Variants in CDH23 observed in about 807,000 individuals in gnomAD.
The protein encoded by CDH23 is cadherin related 23.
In CDH23, 189 loss-of-function variants were observed where a neutral mutation model predicts 317.1. The observed-to-expected ratio is 0.60, with a 90% CI of 0.53 to 0.67. The LOEUF (loss-of-function observed/expected upper bound fraction) is 0.67, where lower values mean the gene tolerates loss of function less well. CDH23 is among the 30% of genes least tolerant of loss of function. The pLI, the probability that CDH23 is intolerant of heterozygous loss-of-function variation, is 0.00. For missense variants in CDH23, 4,401 were observed against 4,592.4 expected (o/e 0.96, Z 1.20); for synonymous variants, 1,839 against 1,876.8 (o/e 0.98, Z 0.52).
chr10:71,564,988 T>C (rs1054165960), intron 6 of CDH23, among the ~76,000 whole-genome samples: 4 of 152,218 alleles, frequency 2.6e-5, no homozygotes, highest in African/African-American at 9.6e-5. Flanking sequence ...TATAGATACA[T>C]ATGAAGTACA....
chr10:71,655,604 G>T (rs917782280), intron 14 of CDH23, among the ~76,000 whole-genome samples: 1 of 152,010 alleles, frequency 6.6e-6, no homozygotes, highest in Non-Finnish European at 1.5e-5. Context: ...GGGCTCGCTG[G>T]CAAGTGTTCC....
intron 28 of CDH23, among the ~76,000 whole-genome samples, chr10:71,721,959 G>A (rs966971986): frequency 6.6e-6 from 1 of 152,180 alleles, no homozygotes; most frequent in Non-Finnish European, 1.5e-5. Flanking sequence ...TGCTAAGCCA[G>A]GTTTCCTCCA....
intron 9 of CDH23, among the ~76,000 whole-genome samples, chr10:71,601,044 T>C (rs1409329592): frequency 2.0e-5 from 3 of 152,238 alleles, no homozygotes. Context: ...TGTAGTTTTT[T>C]TCCTTCAGTC....
At chr10:71,590,881 A>AAC (rs1564673784) in intron 9 of CDH23, among the ~76,000 whole-genome samples, 38 of 127,004 alleles carry the variant, frequency 3.0e-4, no homozygotes, top group Admixed American at 1.5e-3. Context: ...TCTAAAAAAA[A>AAC]AAAAACAAAA....
chr10:71,690,593 C>G lies in CDH23; in HGVS notation c.2176+9C>G. 1 of 1,568,486 alleles carries G rather than the reference C, an allele frequency of 6.4e-7. No homozygotes were observed. Among genetic ancestry groups the G allele is most frequent in the Non-Finnish European group, 8.7e-7 (1 of 1,152,126 alleles). On this transcript the variant is annotated intron_variant, in intron 20 of 69. Transcript: ENST00000224721. ...GATCAATGCCCGCTCAGGTGAGCCCCCCCACCCCAAGTACCCTGGTCCTCC... is the reference window on the plus strand; with the variant it reads ...GATCAATGCCCGCTCAGGTGAGCCCGCCCACCCCAAGTACCCTGGTCCTCC...
intron 6 of CDH23, among the ~76,000 whole-genome samples, chr10:71,525,187 G>C (rs149273204): frequency 6.6e-6 from 1 of 152,222 alleles, no homozygotes; most frequent in Non-Finnish European, 1.5e-5. Context: ...GATTACAGGC[G>C]TGAGCCACTG....
chr10:71,752,012 G>T, intron 38 of CDH23: 2 of 892,104 alleles, frequency 2.2e-6, no homozygotes, highest in Non-Finnish European at 3.6e-6. Context: ...GCAGGAGCCA[G>T]GCCCACAGAG....
rs573528978 is a variant in CDH23, at chr10:71,444,787, G to T, written c.68-1531G>T. Among the ~76,000 whole-genome samples the T allele has an allele frequency of 4.6e-5, 7 of 152,310 alleles. No homozygotes were observed. The East Asian group carries it at 9.7e-4, about 21-fold the overall frequency. On this transcript the variant is annotated intron_variant, in intron 2 of 69. Transcript: ENST00000224721. ...TGGCACATGCTCTGAGGGAGCCCCG[G>T]GTCAGCAGAAAGGAAGGGAGAGAGA...
intron 38 of CDH23, among the ~76,000 whole-genome samples, chr10:71,773,701 T>G (rs1321150024): frequency 1.3e-5 from 2 of 152,160 alleles, no homozygotes; most frequent in East Asian, 1.9e-4. Context: ...GCGAGTCAGC[T>G]CCACTTGATC....
intron 38 of CDH23, chr10:71,747,984 G>C (rs561584915): frequency 6.6e-6 from 1 of 152,402 alleles, no homozygotes; most frequent in South Asian, 2.1e-4. Context: ...GCTCAGCTGG[G>C]CTGTGGCTGG....
intron 14 of CDH23, among the ~76,000 whole-genome samples, chr10:71,664,408 C>T (rs1285085886): frequency 6.6e-6 from 1 of 152,222 alleles, no homozygotes; most frequent in Non-Finnish European, 1.5e-5. Flanking sequence ...CTCGAGAGCA[C>T]CCATCAGCCT....
chr10:71,691,549 A>G (rs1252500988), intron 20 of CDH23, among the ~76,000 whole-genome samples: 2 of 152,210 alleles, frequency 1.3e-5, no homozygotes, highest in Non-Finnish European at 2.9e-5. Context: ...TCAAATTCAT[A>G]TAGTCAACCC....
chr10:71,785,199 C>T lies in CDH23; in HGVS notation c.5712+99C>T, dbSNP rs921942754. The stretch of plus-strand genomic sequence containing the variant: ...TCTGCTGCCACCATCTGGGCTCCAC[C>T]GGGCTCCCGTTCCTGCACTGGGATG... On this transcript the variant is annotated intron_variant, in intron 43 of 69. Transcript: ENST00000224721. 25 of 983,258 alleles carry T rather than the reference C, an allele frequency of 2.5e-5. No individual in the cohort carries two copies. In the Admixed American group the frequency reaches 3.0e-4, roughly 12 times the overall value. The allele number at this position is 983,258 out of a possible 1,614,324, so 60.9% of individuals were successfully genotyped here. A position where few individuals can be genotyped will look rare whatever the true frequency, so the allele number is the denominator to read the frequency against.
chr10:71,467,180 A>G (rs113340661), intron 3 of CDH23, among the ~76,000 whole-genome samples: 25 of 38,214 alleles, frequency 6.5e-4, no homozygotes, highest in Non-Finnish European at 1.5e-3. Flanking sequence ...AGGACCACCC[A>G]GGACCTGGGC....
chr10:71,413,254 A>C (rs1848410479), intron 1 of CDH23, among the ~76,000 whole-genome samples: 1 of 152,118 alleles, frequency 6.6e-6, no homozygotes, highest in Non-Finnish European at 1.5e-5. Flanking sequence ...CCATTGAATG[A>C]TCTTAGCACC....
At chr10:71,514,139 C>T (rs1538807) in intron 6 of CDH23, among the ~76,000 whole-genome samples, 106,637 of 151,788 alleles carry the variant, frequency 0.7, 38,215 homozygotes, top group African/African-American at 0.83. Flanking sequence ...GTAGGAGGAC[C>T]ACTTCTCTCC....
intron 48 of CDH23, chr10:71,794,728 C>T (rs1440388859): frequency 6.6e-6 from 1 of 152,224 alleles, no homozygotes. Context: ...TCATGCACTG[C>T]TGTAGGAGTT....
intron 14 of CDH23, among the ~76,000 whole-genome samples, chr10:71,666,877 C>G (rs2132645783): frequency 6.6e-6 from 1 of 152,332 alleles, no homozygotes; most frequent in South Asian, 2.1e-4. Flanking sequence ...TACAGAGGGG[C>G]TCAGTGAATG....
chr10:71,746,297 G>A (rs1839850964), intron 38 of CDH23, among the ~76,000 whole-genome samples: 1 of 152,208 alleles, frequency 6.6e-6, no homozygotes, highest in African/African-American at 2.4e-5. Context: ...CCTCCCCAGA[G>A]CCAAGAGAAA....
Sources: gnomAD v4.1 joint callset for allele counts (sites outside exome capture counted in the v4.1 genomes callset) on GRCh38, gnomAD v4.1.1 for gene constraint, MANE v1.5 for transcripts, NCBI Gene and HGNC (gene_info 2026-07-23, HGNC 2026-07-21) for gene names.